The following ALG9 variants were observed in gnomAD, a reference collection of about 807,000 sequenced individuals.
The protein encoded by ALG9 is alpha-1,2-mannosyltransferase ALG9.
Under a neutral mutation model 81.8 loss-of-function variants are expected in ALG9, and 55 were observed. The ratio of observed to expected loss-of-function variants is 0.67; its 90% confidence interval spans 0.54 to 0.84. The LOEUF (loss-of-function observed/expected upper bound fraction) is 0.84. Ranked by LOEUF, ALG9 falls within the 40% of genes least tolerant of loss-of-function variation. The pLI is 0.00. For synonymous variants in ALG9, 278 were observed against 274.3 expected, an observed-to-expected ratio of 1.01 and a Z score of -0.13; for missense variants, 629 against 745.0, an observed-to-expected ratio of 0.84 and a Z score of 1.81.
intron 13 of ALG9, among the ~76,000 whole-genome samples, chr11:111,814,276 T>C (rs559281323): frequency 9.2e-5 from 14 of 152,274 alleles, no homozygotes; most frequent in African/African-American, 3.4e-4. Flanking sequence ...TGCAGTGTGA[T>C]TCAGGCAAAA....
intron 13 of ALG9, among the ~76,000 whole-genome samples, chr11:111,822,854 C>A (rs1179139029): frequency 2.0e-5 from 3 of 152,104 alleles, no homozygotes; most frequent in Non-Finnish European, 4.4e-5. Flanking sequence ...GAAACCTCGT[C>A]TCTACTAAAA....
At chr11:111,835,909 C>A (rs1955165181) in intron 13 of ALG9, among the ~76,000 whole-genome samples, 1 of 152,052 alleles carries the variant, frequency 6.6e-6, no homozygotes, top group South Asian at 2.1e-4. Flanking sequence ...AGCCACCACA[C>A]CTGGCTTATT....
chr11:111,864,203 G>T, intron 4 of ALG9: 1 of 655,550 alleles, frequency 1.5e-6, no homozygotes, highest in South Asian at 1.7e-5. Context: ...GTCAGGCCCC[G>T]CTGACCCACG....
chr11:111,858,157 G>A (rs565434316), intron 5 of ALG9, among the ~76,000 whole-genome samples: 2 of 152,000 alleles, frequency 1.3e-5, no homozygotes, highest in Non-Finnish European at 2.9e-5. Context: ...GGCTGGTCTC[G>A]AGCTCTTGAC....
At chr11:111,837,333 A>G (rs1384716653) in intron 12 of ALG9, 135 bp downstream of exon 12, 30 of 1,023,726 alleles carry the variant, frequency 2.9e-5, no homozygotes, top group East Asian at 1.8e-4. Flanking sequence ...CAGGCCCCAC[A>G]GCTCTCCGAC....
At chr11:111,803,227 T>C (rs1949395828) in intron 14 of ALG9, among the ~76,000 whole-genome samples, 1 of 152,042 alleles carries the variant, frequency 6.6e-6, no homozygotes, top group South Asian at 2.1e-4. Context: ...GTGTGCCAGG[T>C]GCAGTAGCTC....
chr11:111,818,983 G>A (rs1361738826), intron 13 of ALG9, among the ~76,000 whole-genome samples: 3 of 152,200 alleles, frequency 2.0e-5, no homozygotes, highest in South Asian at 2.1e-4. Context: ...AGCCAAGGAT[G>A]AAGGGAACCA....
chr11:111,780,832 C>T (rs1420052699), downstream of ALG9, among the ~76,000 whole-genome samples: 1 of 152,172 alleles, frequency 6.6e-6, no homozygotes. Flanking sequence ...CAGGGAACCA[C>T]GCTGAGCACC....
chr11:111,856,832 C>T (rs1271847541), intron 6 of ALG9, among the ~76,000 whole-genome samples: 3 of 152,086 alleles, frequency 2.0e-5, no homozygotes, highest in African/African-American at 7.2e-5. Context: ...CTGGGCCAGG[C>T]GCAGTGGCTC....
At chr11:111,823,748 C>A (rs1241397469) in intron 13 of ALG9, among the ~76,000 whole-genome samples, 1 of 152,186 alleles carries the variant, frequency 6.6e-6, no homozygotes, top group Non-Finnish European at 1.5e-5. Context: ...ACAGATCTAT[C>A]CTGAAGTTAG....
At chr11:111,811,280 C>T (rs1192849245) in intron 13 of ALG9, among the ~76,000 whole-genome samples, 2 of 152,230 alleles carry the variant, frequency 1.3e-5, no homozygotes, top group South Asian at 2.1e-4. Context: ...CGGTGGCTCA[C>T]GCCTGTAATC....
intron 11 of ALG9, 75 bp downstream of exon 11, chr11:111,838,174 T>C (rs977630970): frequency 3.8e-6 from 6 of 1,570,910 alleles, no homozygotes; most frequent in African/African-American, 1.4e-5. Context: ...ATATGTATTA[T>C]ATAATCATGA....
chr11:111,812,337 G>A (rs1322586789), intron 13 of ALG9, among the ~76,000 whole-genome samples: 1 of 152,218 alleles, frequency 6.6e-6, no homozygotes, highest in Non-Finnish European at 1.5e-5. Context: ...GGAGGCCAAA[G>A]TGGGAAGATA....
chr11:111,793,101 A>G (rs1244387119), intron 14 of ALG9, among the ~76,000 whole-genome samples: 8 of 151,982 alleles, frequency 5.3e-5, no homozygotes, highest in African/African-American at 1.9e-4. Context: ...CTCCCACCTT[A>G]GCCTCCTGAG....
intron 14 of ALG9, among the ~76,000 whole-genome samples, chr11:111,807,424 T>G (rs879955285): frequency 7.3e-4 from 111 of 152,174 alleles, no homozygotes; most frequent in Admixed American, 3.2e-3. Context: ...TTTGTTTGAA[T>G]ATCATCTTTT....
chr11:111,773,678 GAAAAA>G, the ALG9 span, among the ~76,000 whole-genome samples: 1 of 150,946 alleles, frequency 6.6e-6, no homozygotes, highest in Non-Finnish European at 1.5e-5. Context: ...ATACCACTCG[GAAAAA>G]AATGTTTTGT....
At chr11:111,870,801 C>T in intron 1 of ALG9, 1 of 1,007,262 alleles carries the variant, frequency 9.9e-7, no homozygotes, top group Non-Finnish European at 1.2e-6. Flanking sequence ...TGTCATTCTC[C>T]TTTTCTTTCT....
intron 14 of ALG9, chr11:111,805,388 C>A (rs1464661289): frequency 1.6e-5 from 7 of 448,878 alleles, no homozygotes; most frequent in Non-Finnish European, 2.7e-5. Context: ...TGAACTAAGA[C>A]CAATGTCAAA....
intron 13 of ALG9, among the ~76,000 whole-genome samples, chr11:111,827,216 C>T (rs1183522521): frequency 6.6e-6 from 1 of 152,166 alleles, no homozygotes; most frequent in Non-Finnish European, 1.5e-5. Context: ...GTGGCTCACA[C>T]CTGTAATCCC....
Sources: gnomAD v4.1 joint callset for allele counts (sites outside exome capture counted in the v4.1 genomes callset) on GRCh38, gnomAD v4.1.1 for gene constraint, MANE v1.5 for transcripts, NCBI Gene and HGNC (gene_info 2026-07-23, HGNC 2026-07-21) for gene names.